The following RBBP8 variants were observed in gnomAD, a reference collection of about 807,000 sequenced individuals.
The protein encoded by RBBP8 is RB binding protein 8, endonuclease.
RBBP8 carries 88 observed loss-of-function variants against 108.3 expected under a neutral mutation model. The ratio of observed to expected loss-of-function variants is 0.81; its 90% confidence interval spans 0.68 to 0.97. The LOEUF (loss-of-function observed/expected upper bound fraction) is 0.97, where lower values mean the gene tolerates loss of function less well. Among genes scored for constraint, RBBP8 ranks in the 50% least tolerant of loss-of-function variants. The pLI is 0.00. For synonymous variants in RBBP8, 332 were observed against 348.2 expected, an observed-to-expected ratio of 0.95 and a Z score of 0.52; for missense variants, 1,023 against 1,049.0, an observed-to-expected ratio of 0.98 and a Z score of 0.34.
At chr18:22,960,649 G>A (rs181251112) in intron 4 of RBBP8, among the ~76,000 whole-genome samples, 4 of 151,976 alleles carry the variant, frequency 2.6e-5, no homozygotes, top group African/African-American at 4.8e-5. Flanking sequence ...AAGCTGGGGC[G>A]CAGTAGTGCA....
At position 22,968,659 on chromosome 18, in the gene RBBP8, A is replaced by T. The variant is rs1292923689; in HGVS notation, c.249-147A>T. 5 of 638,776 alleles carry T rather than the reference A, an allele frequency of 7.8e-6. No individual in the cohort carries two copies. In the East Asian group the frequency reaches 1.5e-4, roughly 19 times the overall value. The allele number at this position is 638,776 out of a possible 1,614,324, so 39.6% of individuals were successfully genotyped here. Reference sequence around the variant, plus strand: ...TAACATGATTTCAGCCTATATAAGAATATGTTAAAGGTATAATAACATCAT... The same window carrying T: ...TAACATGATTTCAGCCTATATAAGATTATGTTAAAGGTATAATAACATCAT... On this transcript the variant is annotated intron_variant, in intron 4 of 18. Transcript: ENST00000327155.
rs753539154 is a variant in RBBP8 at position 22,993,768 on chromosome 18, T to C, written c.1860T>C (p.His620=). 6.2e-7 allele frequency: 1 copy of C among 1,614,068 alleles called. No homozygotes were observed. The highest frequency in any genetic ancestry group is 8.5e-7 in the Non-Finnish European group (1 of 1,179,954). The part of the protein sequence containing the change: ...EPIKIQTRSD[H]GGCELASVLQ... ...TAAAAATACAAACCAGGTCAGACCA[T>C]GGAGGATGTGAACTTGCATCAGTTC... The change falls in exon 12 of 19, where the codon CAT becomes CAC. Residue 620 remains histidine (H), a synonymous_variant. Transcript: ENST00000327155.
rs1567986651 is a variant in RBBP8 at position 22,994,713 on chromosome 18, A to ATCTTT, written c.1939+867_1939+868insCTTTT. 3.6e-3 allele frequency among the ~76,000 whole-genome samples: 541 copies of ATCTTT among 150,390 alleles called. 4 individuals are homozygous for ATCTTT. Among genetic ancestry groups the ATCTTT allele is most frequent in the African/African-American group, 0.013 (524 of 40,982 alleles). ...ATAGGCATCTTTTCATAATTTTGCT[A>ATCTTT]TATTTTATTATTATTATTATTATTA... On this transcript the variant is annotated intron_variant, in intron 12 of 18. Transcript: ENST00000327155.
chr18:22,955,862 G>A (rs145266781), intron 4 of RBBP8, among the ~76,000 whole-genome samples: 1,580 of 152,276 alleles, frequency 0.01, 24 homozygotes, highest in African/African-American at 0.036. Context: ...TTACAGGTGT[G>A]AGCCACCGCG....
At chr18:23,000,306 G>A (rs2144737960) in intron 14 of RBBP8, among the ~76,000 whole-genome samples, 1 of 152,242 alleles carries the variant, frequency 6.6e-6, no homozygotes, top group South Asian at 2.1e-4. Flanking sequence ...TATATAATGG[G>A]AAATGTGGTT....
Position 23,026,218 on chromosome 18 carries a change from A to G in RBBP8, c.2672A>G (p.Lys891Arg), listed in dbSNP as rs1446319799. Reference protein sequence around the residue: ...RQPYNAIFSPKGKEQKT With the variant: ...RQPYNAIFSPRGKEQKT ...CCTTACAACGCAATATTTTCTCCAA[A>G]AGGCAAGGAGCAGAAGACATAGACG... The change falls in exon 19 of 19, where the codon AAA becomes AGA. Residue 891 changes from lysine to arginine, a missense_variant. Coordinates refer to ENST00000327155, the MANE Select transcript of RBBP8 (RefSeq NM_002894.3). The G allele has an allele frequency of 2.5e-6, 4 of 1,613,610 alleles. No homozygotes were observed. In the African/African-American group the frequency reaches 4.0e-5, roughly 16 times the overall value.
intron 15 of RBBP8, among the ~76,000 whole-genome samples, chr18:23,006,002 T>C (rs979096617): frequency 6.6e-6 from 1 of 151,696 alleles, no homozygotes; most frequent in African/African-American, 2.4e-5. Context: ...CTGGCTAACA[T>C]GGTGAAACCC....
chr18:22,923,272 A>G (rs1909668746), intron 3 of RBBP8, among the ~76,000 whole-genome samples: 1 of 152,204 alleles, frequency 6.6e-6, no homozygotes, highest in East Asian at 1.9e-4. Flanking sequence ...GCTCAACAAG[A>G]TTAGAATTAA....
In RBBP8 at chr18:23,005,666, G is replaced by A. The variant is rs887097647; in HGVS notation, c.2288-697G>A. Among the ~76,000 whole-genome samples, 7 of 152,046 alleles carry A rather than the reference G, an allele frequency of 4.6e-5. 1 individual carries two copies. The highest frequency in any genetic ancestry group is 1.0e-4 in the Non-Finnish European group (7 of 68,008). On this transcript the variant is annotated intron_variant, in intron 15 of 18. Transcript: ENST00000327155. ...GACCTCAGGTGATCCACCCACCTCG[G>A]CCTCCCAAAGTGCTGAGATTACAGG...
chr18:22,987,546 C>T (rs760998139), intron 8 of RBBP8, among the ~76,000 whole-genome samples: 3 of 152,094 alleles, frequency 2.0e-5, no homozygotes, highest in Non-Finnish European at 2.9e-5. Context: ...CTCAACCTCC[C>T]AGGCTCAAGT....
intron 4 of RBBP8, among the ~76,000 whole-genome samples, chr18:22,955,167 T>A (rs1245724659): frequency 6.6e-6 from 1 of 152,246 alleles, no homozygotes; most frequent in African/African-American, 2.4e-5. Flanking sequence ...TCCCTTGCCT[T>A]TCATTCCATT....
At chr18:22,919,035 T>C (rs1909477671) in intron 3 of RBBP8, among the ~76,000 whole-genome samples, 1 of 152,218 alleles carries the variant, frequency 6.6e-6, no homozygotes, top group Admixed American at 6.5e-5. Context: ...CAAGTAATGA[T>C]GAGCAGAGTG....
At position 22,981,060 on chromosome 18, in the gene RBBP8, A is replaced by AC. The variant is rs1287114460; in HGVS notation, c.429-1157dup. Among the ~76,000 whole-genome samples, 3 of 61,588 alleles carry AC rather than the reference A, an allele frequency of 4.9e-5. No homozygotes were observed. In the Admixed American group the frequency reaches 5.6e-4, roughly 11 times the overall value. The allele number at this position is 61,588 out of a possible 152,430, so 40.4% of individuals were successfully genotyped here. A position where few individuals can be genotyped will look rare whatever the true frequency, so the allele number is the denominator to read the frequency against. The stretch of plus-strand genomic sequence containing the variant: ...CGATCTCAGCTCACTGCAAGCTCCG[A>AC]CTCTGGGTTCACGCCATTCTCCTGC... On this transcript the variant is annotated intron_variant, in intron 6 of 18. Transcript: ENST00000327155.
chr18:22,934,684 G>A (rs1233945878), intron 1 of RBBP8: 1 of 147,424 alleles, frequency 6.8e-6, no homozygotes, highest in African/African-American at 2.5e-5. Flanking sequence ...CCCCACGGCA[G>A]GCCCCGGTGT....
intron 4 of RBBP8, among the ~76,000 whole-genome samples, chr18:22,959,825 CTCAAGG>C (rs1413288520): frequency 1.3e-5 from 2 of 149,786 alleles, no homozygotes; most frequent in Admixed American, 1.3e-4. Context: ...GCTTTTCCCC[CTCAAGG>C]TCTTTTTGTG....
intron 7 of RBBP8, among the ~76,000 whole-genome samples, chr18:22,984,632 A>G (rs375205641): frequency 9.8e-5 from 15 of 152,320 alleles, no homozygotes; most frequent in East Asian, 7.7e-4. Context: ...ACTCTAGGCA[A>G]TTTGGGTTAG....
intron 14 of RBBP8, among the ~76,000 whole-genome samples, chr18:23,001,256 G>C (rs898892083): frequency 2.0e-5 from 3 of 152,126 alleles, no homozygotes; most frequent in African/African-American, 7.2e-5. Context: ...TCTATTCACT[G>C]AAAGAATACT....
chr18:22,985,071 A>G, intron 8 of RBBP8, 81 bp downstream of exon 8: 1 of 1,564,394 alleles, frequency 6.4e-7, no homozygotes, highest in Non-Finnish European at 8.7e-7. Context: ...TCTAACTTAG[A>G]CAATATTTTA....
intron 10 of RBBP8, among the ~76,000 whole-genome samples, chr18:22,992,272 T>C (rs914536506): frequency 6.6e-6 from 1 of 152,230 alleles, no homozygotes; most frequent in African/African-American, 2.4e-5. Flanking sequence ...CTTAGCTCAC[T>C]GCAACCTCCA....
Sources: gnomAD v4.1 joint callset for allele counts (sites outside exome capture counted in the v4.1 genomes callset) on GRCh38, gnomAD v4.1.1 for gene constraint, MANE v1.5 for transcripts, NCBI Gene and HGNC (gene_info 2026-07-23, HGNC 2026-07-21) for gene names.